OR2L13: variants seen among roughly 807,000 people sequenced by gnomAD.
OR2L13 encodes the protein olfactory receptor family 2 subfamily L member 13.
Under a neutral mutation model 15.3 loss-of-function variants are expected in OR2L13, and 14 were observed. That is an observed-to-expected ratio of 0.91 (90% CI 0.60 to 1.43). OR2L13 has a LOEUF of 1.43. Among genes scored for constraint, OR2L13 ranks in the 40% most tolerant of loss-of-function variants. The probability of loss-of-function intolerance (pLI) is 0.00; values close to 1 mark genes in which losing one functional copy is unlikely to be tolerated. For missense variants in OR2L13, 367 were observed against 387.9 expected, an observed-to-expected ratio of 0.95 and a Z score of 0.45; for synonymous variants, 152 against 142.9, an observed-to-expected ratio of 1.06 and a Z score of -0.45.
chr1:248,083,128 C>A, the OR2L13 span, among the ~76,000 whole-genome samples: 1 of 152,218 alleles, frequency 6.6e-6, no homozygotes, highest in South Asian at 2.1e-4. Flanking sequence ...TCCCCTTTTT[C>A]ATGCAACTAT....
the OR2L13 span, among the ~76,000 whole-genome samples, chr1:247,946,111 T>A: frequency 6.6e-6 from 1 of 152,188 alleles, no homozygotes; most frequent in Non-Finnish European, 1.5e-5. Context: ...TTCTTTTTGA[T>A]ACTATTGTTA....
the OR2L13 span, among the ~76,000 whole-genome samples, chr1:247,985,330 A>G: frequency 2.0e-5 from 3 of 151,866 alleles, no homozygotes; most frequent in East Asian, 1.9e-4. Flanking sequence ...TCATTGTTCA[A>G]TTCCCACCTA....
chr1:247,949,872 C>A, the OR2L13 span: 2 of 1,226,856 alleles, frequency 1.6e-6, no homozygotes, highest in Non-Finnish European at 2.2e-6. Context: ...AATATTATGT[C>A]CTTCCTAGAG....
the OR2L13 span, among the ~76,000 whole-genome samples, chr1:248,048,913 TTCTC>T: frequency 1.4e-5 from 2 of 138,484 alleles, no homozygotes; most frequent in East Asian, 2.1e-4. Context: ...TTCTTTCCTT[TTCTC>T]TCTCTCTTTT....
At chr1:247,937,770 A>C in the OR2L13 span, among the ~76,000 whole-genome samples, 1 of 152,280 alleles carries the variant, frequency 6.6e-6, no homozygotes, top group South Asian at 2.1e-4. Context: ...AAAAACTAGA[A>C]AAACACATTT....
chr1:248,021,576 A>T, the OR2L13 span, among the ~76,000 whole-genome samples: 1 of 152,184 alleles, frequency 6.6e-6, no homozygotes, highest in African/African-American at 2.4e-5. Context: ...ACTTTATTTC[A>T]TCATGTAGAC....
chr1:248,077,954 A>G, the OR2L13 span, among the ~76,000 whole-genome samples: 5 of 152,360 alleles, frequency 3.3e-5, no homozygotes, highest in East Asian at 9.6e-4. Flanking sequence ...CAAAAAGTCA[A>G]CAGTGAAAAT....
At chr1:248,029,290 A>G in the OR2L13 span, 1 of 152,200 alleles carries the variant, frequency 6.6e-6, no homozygotes, top group Admixed American at 6.5e-5. Flanking sequence ...ATAATTTAAC[A>G]ATTTAAATAC....
At chr1:248,004,400 A>C in the OR2L13 span, among the ~76,000 whole-genome samples, 3 of 152,210 alleles carry the variant, frequency 2.0e-5, no homozygotes, top group African/African-American at 4.8e-5. Context: ...TATTATTGTC[A>C]ATTTATTTTC....
At chr1:247,964,093 C>CTTTCA in the OR2L13 span, among the ~76,000 whole-genome samples, 1,033 of 152,288 alleles carry the variant, frequency 6.8e-3, 14 homozygotes, top group African/African-American at 0.023. Flanking sequence ...ACTCTTCATA[C>CTTTCA]TTTATTTATA....
chr1:248,099,568 C>G (rs1664804896), exon 3 of OR2L13: 5 of 1,614,104 alleles, frequency 3.1e-6, no homozygotes, highest in Non-Finnish European at 4.2e-6. Flanking sequence ...TCTCAGCCAG[C>G]TCTCCCTTAT....
At chr1:248,072,936 A>G in the OR2L13 span, among the ~76,000 whole-genome samples, 26 of 152,240 alleles carry the variant, frequency 1.7e-4, no homozygotes, top group Admixed American at 1.2e-3. Context: ...ATAGCATCTC[A>G]CACCAGTTAG....
the OR2L13 span, among the ~76,000 whole-genome samples, chr1:247,976,511 A>G: frequency 6.6e-6 from 1 of 150,762 alleles, no homozygotes; most frequent in African/African-American, 2.4e-5. Flanking sequence ...TCCTCTTACT[A>G]TAAAGATTGT....
the OR2L13 span, chr1:248,022,854 G>A: frequency 1.2e-6 from 2 of 1,611,808 alleles, no homozygotes. Context: ...CCTGACACGA[G>A]TGATTCAGAA....
the OR2L13 span, among the ~76,000 whole-genome samples, chr1:247,976,251 C>G: frequency 6.6e-6 from 1 of 152,282 alleles, no homozygotes; most frequent in Non-Finnish European, 1.5e-5. Context: ...CCAGTCACAT[C>G]ACAACACACT....
the OR2L13 span, among the ~76,000 whole-genome samples, chr1:248,058,198 C>A: frequency 6.6e-6 from 1 of 152,182 alleles, no homozygotes; most frequent in Non-Finnish European, 1.5e-5. Context: ...ATGTTAGAAA[C>A]ATAACAAACT....
chr1:247,944,038 T>C, the OR2L13 span, among the ~76,000 whole-genome samples: 3 of 152,210 alleles, frequency 2.0e-5, no homozygotes, highest in Non-Finnish European at 4.4e-5. Flanking sequence ...TGTTGGGCTA[T>C]ATGTCTGGCT....
the OR2L13 span, among the ~76,000 whole-genome samples, chr1:248,068,733 G>T: frequency 0.15 from 22,655 of 152,024 alleles, 3,203 homozygotes; most frequent in African/African-American, 0.38. Flanking sequence ...TGAAAAAAAT[G>T]TAGATGAAAG....
the OR2L13 span, among the ~76,000 whole-genome samples, chr1:247,998,488 T>C: frequency 2.0e-5 from 3 of 152,178 alleles, no homozygotes; most frequent in Non-Finnish European, 2.9e-5. Flanking sequence ...TCAGTGATTA[T>C]GTCATGCTCA....
Sources: gnomAD v4.1 joint callset for allele counts (sites outside exome capture counted in the v4.1 genomes callset) on GRCh38, gnomAD v4.1.1 for gene constraint, MANE v1.5 for transcripts, NCBI Gene and HGNC (gene_info 2026-07-23, HGNC 2026-07-21) for gene names.